MBTD1: variants seen among roughly 807,000 people sequenced by gnomAD.
MBTD1 encodes the protein MBT domain-containing protein 1.
MBTD1 carries 24 observed loss-of-function variants against 87.8 expected under a neutral mutation model. The observed-to-expected ratio is 0.27, with a 90% CI of 0.20 to 0.38. The LOEUF is 0.38. Ranked by LOEUF, MBTD1 falls within the 10% of genes least tolerant of loss-of-function variation. The probability of loss-of-function intolerance (pLI) is 1.00; values close to 1 mark genes in which losing one functional copy is unlikely to be tolerated. For missense variants in MBTD1, 436 were observed against 760.2 expected, an observed-to-expected ratio of 0.57 and a Z score of 5.02; for synonymous variants, 237 against 248.6, an observed-to-expected ratio of 0.95 and a Z score of 0.44.
rs896622210 is a variant in MBTD1 at position 51,259,874 on chromosome 17, G to A, written c.-152C>T. ...TTTCCATCAGGGCCTCATGGGTAGGGGTTGTCCGTGCTCCCCGAGCCCGCG... is the reference window on the plus strand; with the variant it reads ...TTTCCATCAGGGCCTCATGGGTAGGAGTTGTCCGTGCTCCCCGAGCCCGCG... On this transcript the variant is annotated 5_prime_UTR_variant, in exon 1 of 17. Coordinates refer to ENST00000586178, the MANE Select transcript of MBTD1 (RefSeq NM_017643.3). The A allele has an allele frequency of 3.2e-6, 4 of 1,231,822 alleles. No homozygotes were observed. The highest frequency in any genetic ancestry group is 4.1e-5 in the South Asian group (1 of 24,362). The allele number at this position is 1,231,822 out of a possible 1,614,324, so 76.3% of individuals were successfully genotyped here.
At chr17:51,239,343 ACTTT>A (rs1259543483) in intron 2 of MBTD1, among the ~76,000 whole-genome samples, 2 of 152,174 alleles carry the variant, frequency 1.3e-5, no homozygotes, top group African/African-American at 2.4e-5. Context: ...TTATAAGATC[ACTTT>A]CTTTAAGGAT....
rs568874286 is a variant in MBTD1, at chr17:51,199,438, C to A, written c.1224+2154G>T. On this transcript the variant is annotated intron_variant, in intron 12 of 16. Transcript: ENST00000586178. ...CATGATCAAGGTGTTTCAGGAATCA[C>A]TGTTTTAAAAAAATTTTTTTTTTGA... Among the ~76,000 whole-genome samples, 4 of 151,756 alleles carry A rather than the reference C, an allele frequency of 2.6e-5. No individual in the cohort carries two copies. The South Asian group carries it at 8.3e-4, about 32-fold the overall frequency.
At chr17:51,258,681 T>C (rs1241167656) in intron 2 of MBTD1, among the ~76,000 whole-genome samples, 2 of 152,184 alleles carry the variant, frequency 1.3e-5, no homozygotes, top group Non-Finnish European at 2.9e-5. Flanking sequence ...ATTTAGGTAA[T>C]AAACAAATGT....
chr17:51,208,117 C>T (rs2051955182), intron 6 of MBTD1, among the ~76,000 whole-genome samples: 1 of 152,188 alleles, frequency 6.6e-6, no homozygotes, highest in African/African-American at 2.4e-5. Flanking sequence ...GGTGGATGCT[C>T]ACCCAACAGG....
At chr17:51,186,774 C>CAA (rs200710672) in intron 16 of MBTD1, among the ~76,000 whole-genome samples, 16 of 141,868 alleles carry the variant, frequency 1.1e-4, no homozygotes, top group Non-Finnish European at 1.7e-4. Flanking sequence ...ACTCTCGTCT[C>CAA]AAAAAAAAAA....
At chr17:51,202,573 G>T (rs2051553020) in intron 10 of MBTD1, 128 bp downstream of exon 10, 2 of 704,252 alleles carry the variant, frequency 2.8e-6, no homozygotes, top group African/African-American at 1.8e-5. Flanking sequence ...ACTAATTAAG[G>T]TAGAAGAAGC....
intron 2 of MBTD1, among the ~76,000 whole-genome samples, chr17:51,257,373 A>G (rs2055152372): frequency 6.6e-6 from 1 of 152,248 alleles, no homozygotes; most frequent in Non-Finnish European, 1.5e-5. Flanking sequence ...TACTCAGACT[A>G]CTGAGCACTC....
At chr17:51,182,315 T>TG (rs1190503930) in intron 16 of MBTD1, among the ~76,000 whole-genome samples, 1 of 151,904 alleles carries the variant, frequency 6.6e-6, no homozygotes, top group Admixed American at 6.6e-5. Context: ...TTAGTAGAGA[T>TG]GGGGTTTTGC....
chr17:51,250,173 G>A (rs2054694115), intron 2 of MBTD1: 1 of 151,464 alleles, frequency 6.6e-6, no homozygotes, highest in Non-Finnish European at 1.5e-5. Context: ...CCAAAGTGCT[G>A]GGATTACAGG....
At chr17:51,206,547 AG>A (rs935423485) in intron 7 of MBTD1, among the ~76,000 whole-genome samples, 1 of 152,212 alleles carries the variant, frequency 6.6e-6, no homozygotes, top group African/African-American at 2.4e-5. Flanking sequence ...ATGGTTGAAA[AG>A]AAAAAAAGGA....
chr17:51,203,681 G>A lies in MBTD1; in HGVS notation c.739+110C>T, dbSNP rs191316358. The A allele has an allele frequency of 2.9e-4, 341 of 1,174,724 alleles. No individual in the cohort carries two copies. In the African/African-American group the frequency reaches 4.6e-3, roughly 16 times the overall value. 72.8% of individuals were successfully genotyped at this position (1,174,724 alleles called of 1,614,324 possible). ...CAAAGTGCTGGGATTACAGGTGTGA[G>A]CGGCCATGCCCGGCCTTTAATTTCC... On this transcript the variant is annotated intron_variant, in intron 8 of 16. Coordinates refer to ENST00000586178, the MANE Select transcript of MBTD1 (RefSeq NM_017643.3).
chr17:51,225,586 G>T (rs543613917), intron 2 of MBTD1, among the ~76,000 whole-genome samples: 2 of 149,882 alleles, frequency 1.3e-5, no homozygotes, highest in African/African-American at 4.9e-5. Context: ...TTAATTCCTC[G>T]TCTCAAGCAA....
rs2050262955 is a variant in MBTD1 at position 51,180,613 on chromosome 17, T to C, written c.1850A>G (p.Asn617Ser). The change falls in exon 17 of 17, where the codon AAT (asparagine) becomes AGT (serine). Residue 617 changes from asparagine (N) to serine (S), a missense_variant. Coordinates refer to ENST00000586178, the MANE Select transcript of MBTD1 (RefSeq NM_017643.3). Reference protein sequence around the residue: ...FLQGASDQESNGSANFYIKQE... With the variant: ...FLQGASDQESSGSANFYIKQE... Reference sequence around the variant, plus strand: ...TTTGATGTAGAAGTTGGCAGAGCCATTGCTTTCCTGATCAGACGCTCCTTG... The same window carrying C: ...TTTGATGTAGAAGTTGGCAGAGCCACTGCTTTCCTGATCAGACGCTCCTTG... 2 of 1,551,458 alleles carry C rather than the reference T, an allele frequency of 1.3e-6. No individual in the cohort carries two copies. Among genetic ancestry groups the C allele is most frequent in the Non-Finnish European group, 1.7e-6 (2 of 1,146,680 alleles).
At chr17:51,236,648 G>A (rs552289637) in intron 2 of MBTD1, among the ~76,000 whole-genome samples, 28 of 152,260 alleles carry the variant, frequency 1.8e-4, no homozygotes, top group African/African-American at 6.0e-4. Context: ...CACAAGGCCC[G>A]AGGCAGGGAG....
At chr17:51,189,963 T>C (rs78063272) in intron 16 of MBTD1, among the ~76,000 whole-genome samples, 1 of 152,198 alleles carries the variant, frequency 6.6e-6, no homozygotes, top group African/African-American at 2.4e-5. Context: ...GGGAGGCTTG[T>C]GCCTATAAAC....
In MBTD1 at chr17:51,203,897, T is replaced by A; in HGVS notation, c.633A>T (p.Gly211=). The change falls in exon 8 of 17, where the codon GGA becomes GGT. Residue 211 remains glycine (G), a synonymous_variant. Transcript: ENST00000586178. ...AGYNALLRYE[G]FENDSGLDFW... ...AGTCCAGACCAGAGTCATTTTCAAA[T>A]CCTTCATATCTTAAAAGGGCATTGT... 1 of 1,610,790 alleles carries A rather than the reference T, an allele frequency of 6.2e-7. No individual in the cohort carries two copies. The highest frequency in any genetic ancestry group is 8.5e-7 in the Non-Finnish European group (1 of 1,179,078).
chr17:51,260,499 C>T (rs923642074), upstream of MBTD1: 4 of 1,430,092 alleles, frequency 2.8e-6, no homozygotes, highest in Admixed American at 2.7e-5. Flanking sequence ...GCCCCCGGGG[C>T]TTCGGCGGCG....
At chr17:51,196,502 C>T (rs763060280) in intron 12 of MBTD1, among the ~76,000 whole-genome samples, 1 of 151,906 alleles carries the variant, frequency 6.6e-6, no homozygotes, top group Non-Finnish European at 1.5e-5. Context: ...CTTTTTAAAA[C>T]TAAGACAAAC....
intron 2 of MBTD1, 130 bp downstream of exon 2, chr17:51,259,013 A>G (rs937907944): frequency 2.5e-5 from 10 of 395,008 alleles, no homozygotes; most frequent in African/African-American, 2.1e-4. Flanking sequence ...CTTAACCAGG[A>G]CATGAATGAG....
Sources: gnomAD v4.1 joint callset for allele counts (sites outside exome capture counted in the v4.1 genomes callset) on GRCh38, gnomAD v4.1.1 for gene constraint, MANE v1.5 for transcripts, NCBI Gene and HGNC (gene_info 2026-07-23, HGNC 2026-07-21) for gene names.